The following NAV2 variants were observed in gnomAD, a reference collection of about 807,000 sequenced individuals.
The protein encoded by NAV2 is neuron navigator 2.
A neutral mutation model predicts 223.2 loss-of-function variants in NAV2; 54 were observed. The observed-to-expected ratio is 0.24, with a 90% confidence interval of 0.19 to 0.30. The LOEUF is 0.30. Among genes scored for constraint, NAV2 ranks in the 10% least tolerant of loss-of-function variants. The pLI is 1.00. For missense variants in NAV2, 2,806 were observed against 3,147.5 expected (o/e 0.89, Z 2.60); for synonymous variants, 1,279 against 1,239.3 (o/e 1.03, Z -0.67).
intron 1 of NAV2, among the ~76,000 whole-genome samples, chr11:19,721,355 G>A (rs2050737996): frequency 6.6e-6 from 1 of 152,182 alleles, no homozygotes; most frequent in Non-Finnish European, 1.5e-5. Flanking sequence ...CTTTTGGGAT[G>A]TTTAAAATTT....
chr11:20,059,103 C>A (rs1270626486), intron 19 of NAV2, among the ~76,000 whole-genome samples: 2 of 151,952 alleles, frequency 1.3e-5, no homozygotes, highest in African/African-American at 4.8e-5. Context: ...CTGTCTGAGG[C>A]AAGCTCTGAT....
intron 1 of NAV2, among the ~76,000 whole-genome samples, chr11:19,819,803 G>C (rs2059280866): frequency 6.6e-6 from 1 of 152,226 alleles, no homozygotes; most frequent in Non-Finnish European, 1.5e-5. Context: ...GGAAACTGAG[G>C]CTTAGAGAGT....
At chr11:20,082,905 A>G in intron 25 of NAV2, 102 bp from the exon 26 acceptor site, 1 of 1,147,406 alleles carries the variant, frequency 8.7e-7, no homozygotes, top group Non-Finnish European at 1.2e-6. Flanking sequence ...TGGGGGGAAA[A>G]ACATGGGAGA....
intron 8 of NAV2, among the ~76,000 whole-genome samples, chr11:19,943,639 A>C (rs1199563936): frequency 6.6e-6 from 1 of 152,144 alleles, no homozygotes; most frequent in African/African-American, 2.4e-5. Flanking sequence ...CAATTGTTGG[A>C]AGTTCAACTT....
At chr11:19,873,121 T>C (rs1386847791) in intron 4 of NAV2, among the ~76,000 whole-genome samples, 2 of 152,112 alleles carry the variant, frequency 1.3e-5, no homozygotes, top group African/African-American at 2.4e-5. Flanking sequence ...GAAATGGAGG[T>C]TGGGGAGTAA....
intron 1 of NAV2, among the ~76,000 whole-genome samples, chr11:19,629,034 C>T (rs1264786185): frequency 1.3e-5 from 2 of 152,158 alleles, no homozygotes; most frequent in African/African-American, 2.4e-5. Flanking sequence ...TGAAGCTACC[C>T]AGCTTTTGCT....
At chr11:19,528,118 C>G (rs1183607604) in intron 1 of NAV2, among the ~76,000 whole-genome samples, 1 of 152,090 alleles carries the variant, frequency 6.6e-6, no homozygotes, top group African/African-American at 2.4e-5. Context: ...ATTTTTGTAT[C>G]GAGGAAACAT....
At position 20,106,195 on chromosome 11, in the gene NAV2, A is replaced by ATGTGTGTGTG. The variant is rs1592179575; in HGVS notation, c.6841+469_6841+470insGTGTGTGTGT. ...TATATATGTGTGTGTATATATATAT[A>ATGTGTGTGTG]TATATATATATATATATATATATAT... On this transcript the variant is annotated intron_variant, in intron 35 of 37. Transcript: ENST00000349880. Among the ~76,000 whole-genome samples, 6 of 22,162 alleles carry ATGTGTGTGTG rather than the reference A, an allele frequency of 2.7e-4. 1 individual carries two copies. The highest frequency in any genetic ancestry group is 9.5e-4 in the Non-Finnish European group (6 of 6,346). 14.5% of individuals were successfully genotyped at this position (22,162 alleles called of 152,430 possible). A position where few individuals can be genotyped will look rare whatever the true frequency, so the allele number is the denominator to read the frequency against.
chr11:19,624,538 A>C (rs779786654), intron 1 of NAV2, among the ~76,000 whole-genome samples: 2 of 152,152 alleles, frequency 1.3e-5, no homozygotes, highest in South Asian at 2.1e-4. Context: ...CTGTGTGGGC[A>C]TGGGACCCTC....
At chr11:20,040,476 G>A (rs1231080665) in intron 12 of NAV2, among the ~76,000 whole-genome samples, 3 of 152,134 alleles carry the variant, frequency 2.0e-5, no homozygotes, top group African/African-American at 4.8e-5. Flanking sequence ...GATAAGTAGG[G>A]CAATGTCTTC....
chr11:19,960,226 G>A (rs1180986929), intron 10 of NAV2, among the ~76,000 whole-genome samples: 2 of 152,108 alleles, frequency 1.3e-5, no homozygotes, highest in Non-Finnish European at 2.9e-5. Context: ...CTTACCAGGG[G>A]CCCATGAGCT....
intron 1 of NAV2, among the ~76,000 whole-genome samples, chr11:19,627,843 A>T (rs2047214316): frequency 6.7e-6 from 1 of 149,606 alleles, no homozygotes; most frequent in African/African-American, 2.5e-5. Flanking sequence ...TTCTAATCCG[A>T]CATATACCTC....
rs1473194112 is a variant in NAV2 at position 20,045,592 on chromosome 11, A to C, written c.3824A>C (p.Gln1275Pro). Residue 1275 changes from glutamine (Q) to proline (P), a missense_variant, in exon 14 of 38, where the codon CAG becomes CCG. Coordinates refer to ENST00000349880, the MANE Select transcript of NAV2 (RefSeq NM_145117.5). ...TCGGTGAAAGTGAATCCGGCAGCCC[A>C]GCCTGTGTCCAGTCCGGCTCAGACC... ...CNSVKVNPAA[Q>P]PVSSPAQTSL... is the part of the protein sequence containing the mutation. 4 of 1,614,112 alleles carry C rather than the reference A, an allele frequency of 2.5e-6. No homozygotes were observed. The highest frequency in any genetic ancestry group is 3.4e-6 in the Non-Finnish European group (4 of 1,180,038).
In NAV2 at chr11:19,948,941, A is replaced by C. The variant is rs2047157895; in HGVS notation, c.2506A>C (p.Ser836Arg). The change falls in exon 10 of 38, where the codon AGT becomes CGT. Residue 836 changes from serine (S) to arginine (R), a missense_variant. This residue lies in a region of NAV2 where 1,167 missense variants were observed against 1,180.5 expected (regional missense o/e 0.99). Transcript: ENST00000349880. ...GAGAAGGCAGCTGGCCTCCCGGGGC[A>C]GTAGTGTCTGCCATGTGGACGTCTC... ...PLRRQLASRG[S>R]SVCHVDVSDK... 1 of 1,613,844 alleles carries C rather than the reference A, an allele frequency of 6.2e-7. No homozygotes were observed. The highest frequency in any genetic ancestry group is 8.5e-7 in the Non-Finnish European group (1 of 1,179,864).
At chr11:19,535,884 GAT>G (rs1565026932) in intron 1 of NAV2, among the ~76,000 whole-genome samples, 6 of 152,184 alleles carry the variant, frequency 3.9e-5, no homozygotes, top group African/African-American at 1.4e-4. Flanking sequence ...TCTGGGTGTA[GAT>G]CTTTTGCTGA....
intron 1 of NAV2, among the ~76,000 whole-genome samples, chr11:19,629,106 T>C (rs2047263507): frequency 6.6e-6 from 1 of 152,168 alleles, no homozygotes; most frequent in Non-Finnish European, 1.5e-5. Context: ...CCATTCATTG[T>C]CTCCGTGGAG....
chr11:19,802,411 C>T (rs1299316987), intron 1 of NAV2, among the ~76,000 whole-genome samples: 1 of 152,106 alleles, frequency 6.6e-6, no homozygotes, highest in African/African-American at 2.4e-5. Flanking sequence ...GAGGAATACG[C>T]CACACTGTAT....
chr11:19,586,252 G>T (rs2045895435), intron 1 of NAV2, among the ~76,000 whole-genome samples: 1 of 152,126 alleles, frequency 6.6e-6, no homozygotes, highest in East Asian at 1.9e-4. Flanking sequence ...GGACTTTTCT[G>T]CATTGGTTAT....
At chr11:19,566,931 GT>G (rs1033649499) in intron 1 of NAV2, among the ~76,000 whole-genome samples, 49 of 152,256 alleles carry the variant, frequency 3.2e-4, no homozygotes, top group African/African-American at 1.1e-3. Context: ...ATGTTTATTT[GT>G]TTGCATTTAT....
Sources: gnomAD v4.1 joint callset for allele counts (sites outside exome capture counted in the v4.1 genomes callset) on GRCh38, gnomAD v4.1.1 for gene constraint, gnomAD v4.1.1 regional missense constraint, MANE v1.5 for transcripts, NCBI Gene and HGNC (gene_info 2026-07-23, HGNC 2026-07-21) for gene names.